Variants in RAI14 observed in about 807,000 individuals in gnomAD.
RAI14 encodes the protein retinoic acid induced 14.
Under a neutral mutation model 115.4 loss-of-function variants are expected in RAI14, and 45 were observed. The ratio of observed to expected loss-of-function variants is 0.39; its 90% confidence interval spans 0.31 to 0.50. RAI14 has a LOEUF of 0.50. Among genes scored for constraint, RAI14 ranks in the 20% least tolerant of loss-of-function variants. The pLI is 0.85. For missense variants in RAI14, 939 were observed against 1,131.2 expected (o/e 0.83, Z 2.44); for synonymous variants, 371 against 415.4 (o/e 0.89, Z 1.30).
chr5:34,699,895 A>T (rs6881866), intron 2 of RAI14, among the ~76,000 whole-genome samples: 24,718 of 152,162 alleles, frequency 0.16, 2,485 homozygotes, highest in Non-Finnish European at 0.22. Flanking sequence ...GATAGTAATC[A>T]TGGGTAATCT....
At chr5:34,737,417 A>G (rs1213201833) in intron 2 of RAI14, among the ~76,000 whole-genome samples, 1 of 152,110 alleles carries the variant, frequency 6.6e-6, no homozygotes, top group East Asian at 1.9e-4. Flanking sequence ...GAGTTATTGG[A>G]ATTACTACCT....
At chr5:34,662,836 C>A (rs1291582920) in intron 1 of RAI14, among the ~76,000 whole-genome samples, 1 of 142,336 alleles carries the variant, frequency 7.0e-6, no homozygotes, top group East Asian at 2.3e-4. Flanking sequence ...TCAATCAATT[C>A]TCCTGCCTCA....
intron 6 of RAI14, 145 bp from the exon 7 acceptor site, chr5:34,808,439 C>T (rs1755178300): frequency 1.3e-6 from 1 of 751,762 alleles, no homozygotes; most frequent in Non-Finnish European, 2.2e-6. Flanking sequence ...TCCTAACCTT[C>T]CTAATACCAT....
At chr5:34,826,286 T>C (rs1256274252) in intron 15 of RAI14, 44 bp from the exon 16 acceptor site, 1 of 1,570,360 alleles carries the variant, frequency 6.4e-7, no homozygotes, top group East Asian at 2.3e-5. Flanking sequence ...TTTTGCTTTG[T>C]AGACATGTTA....
At chr5:34,688,288 G>T in intron 2 of RAI14, 2 of 1,504,508 alleles carry the variant, frequency 1.3e-6, no homozygotes, top group South Asian at 1.2e-5. Context: ...AGCAGATAGG[G>T]GTTTCTAAAT....
rs1406473769 is a variant in RAI14 at position 34,827,142 on chromosome 5, T to C, written c.2799+663T>C. Among the ~76,000 whole-genome samples the C allele has an allele frequency of 6.6e-6, 1 of 152,150 alleles. No individual in the cohort carries two copies. The highest frequency in any genetic ancestry group is 1.9e-4 in the East Asian group (1 of 5,190). On this transcript the variant is annotated intron_variant, in intron 16 of 17. Transcript: ENST00000265109. This position sits in a 1 kb window ranked among gnomAD's most constrained non-coding sequence, Gnocchi z 4.2. Reference sequence around the variant, plus strand: ...GAGGCTGCCTGCATTCTGTGGCTCATGGCCCCTTACTCCATCTTCGAGGCA... The same window carrying C: ...GAGGCTGCCTGCATTCTGTGGCTCACGGCCCCTTACTCCATCTTCGAGGCA...
rs1299510170 is a variant in RAI14 at position 34,688,317 on chromosome 5, A to G, written c.36+1362A>G. On this transcript the variant is annotated intron_variant, in intron 2 of 17. Coordinates refer to ENST00000265109, the MANE Select transcript of RAI14 (RefSeq NM_015577.3). ...TCTAAATTTTGTGACCAGGTTAACA[A>G]ATGTCTTTTTCTATTCCAAGGGAAT... 17 of 1,415,804 alleles carry G rather than the reference A, an allele frequency of 1.2e-5. No individual in the cohort carries two copies. The East Asian group carries it at 3.5e-4, about 29-fold the overall frequency. 87.7% of individuals were successfully genotyped at this position (1,415,804 alleles called of 1,614,324 possible).
intron 3 of RAI14, among the ~76,000 whole-genome samples, chr5:34,780,166 C>T (rs1426955793): frequency 1.3e-5 from 2 of 152,148 alleles, no homozygotes; most frequent in East Asian, 1.9e-4. Context: ...AACTGGCTAG[C>T]CATATGTAGA....
chr5:34,721,338 T>C (rs1742729963), intron 2 of RAI14, among the ~76,000 whole-genome samples: 4 of 148,632 alleles, frequency 2.7e-5, no homozygotes, highest in Admixed American at 2.0e-4. Flanking sequence ...TGTGTATGTA[T>C]GTATATTGTA....
intron 1 of RAI14, among the ~76,000 whole-genome samples, chr5:34,660,155 G>A (rs1432903827): frequency 2.0e-5 from 3 of 151,990 alleles, no homozygotes; most frequent in Non-Finnish European, 2.9e-5. Context: ...CAGCCTGGGC[G>A]ACAGAGTGAG....
At chr5:34,753,064 G>C (rs558560735) in intron 2 of RAI14, among the ~76,000 whole-genome samples, 1 of 152,116 alleles carries the variant, frequency 6.6e-6, no homozygotes, top group East Asian at 1.9e-4. Context: ...GAGGTTAACC[G>C]ATAAACTATA....
intron 3 of RAI14, among the ~76,000 whole-genome samples, chr5:34,792,293 G>A (rs1044763837): frequency 6.9e-6 from 1 of 143,890 alleles, no homozygotes; most frequent in Non-Finnish European, 1.5e-5. Flanking sequence ...GAGTGCAGTG[G>A]TGCAATCTTG....
At chr5:34,697,510 C>T (rs896950251) in intron 2 of RAI14, among the ~76,000 whole-genome samples, 3 of 151,302 alleles carry the variant, frequency 2.0e-5, no homozygotes, top group Admixed American at 2.0e-4. Flanking sequence ...CATTAGGTAA[C>T]CAGTCAGGCT....
chr5:34,694,868 A>G (rs908510925), intron 2 of RAI14, among the ~76,000 whole-genome samples: 3 of 152,126 alleles, frequency 2.0e-5, no homozygotes, highest in African/African-American at 7.2e-5. Context: ...ATGAGATTCA[A>G]TGTGAACTCA....
Position 34,686,854 on chromosome 5 carries a change from CT to C in RAI14, c.-48-11del. The C allele has an allele frequency of 3.3e-6, 5 of 1,522,238 alleles. No individual in the cohort carries two copies. The highest frequency in any genetic ancestry group is 4.5e-6 in the Non-Finnish European group (5 of 1,100,090). 94.3% of individuals were successfully genotyped at this position (1,522,238 alleles called of 1,614,324 possible). A position where few individuals can be genotyped will look rare whatever the true frequency, so the allele number is the denominator to read the frequency against. On this transcript the variant is annotated splice_polypyrimidine_tract_variant and intron_variant, in intron 1 of 17. Transcript: ENST00000265109. The stretch of plus-strand genomic sequence containing the variant: ...CCTTATTTGGAAACCTACATATGTC[CT>C]TTTTTTCTCTGCTTAGGTGTTGAAA...
At chr5:34,805,349 C>T (rs1340141683) in intron 5 of RAI14, among the ~76,000 whole-genome samples, 1 of 152,144 alleles carries the variant, frequency 6.6e-6, no homozygotes, top group Non-Finnish European at 1.5e-5. Flanking sequence ...CCCAGGCTCT[C>T]TGTGCTGTGA....
chr5:34,803,744 A>G lies in RAI14; in HGVS notation c.289A>G (p.Ser97Gly). 1 of 1,612,518 alleles carries G rather than the reference A, an allele frequency of 6.2e-7. No homozygotes were observed. ...CGCCTTACATCTCGCAGCCAAGAAC[A>G]GCCACCATGAATGCATCAGGAAGCT... is the stretch of plus-strand genomic sequence containing the variant. ...HSALHLAAKN[S>G]HHECIRKLLQ... Residue 97 changes from serine to glycine, a missense_variant, in exon 5 of 18, where the codon AGC becomes GGC. Physicochemically the swap from Ser to Gly is moderately conservative, Grantham distance 56. Transcript: ENST00000265109.
At chr5:34,789,391 C>T (rs1356931530) in intron 3 of RAI14, among the ~76,000 whole-genome samples, 1 of 152,220 alleles carries the variant, frequency 6.6e-6, no homozygotes, top group Non-Finnish European at 1.5e-5. Context: ...GGTTCACATT[C>T]CGAGGCTAAA....
At chr5:34,702,563 T>A (rs1236473282) in intron 2 of RAI14, among the ~76,000 whole-genome samples, 1 of 152,208 alleles carries the variant, frequency 6.6e-6, no homozygotes, top group Non-Finnish European at 1.5e-5. Context: ...TATCCCAGGC[T>A]CTGTTACCTT....
Sources: gnomAD v4.1 joint callset for allele counts (sites outside exome capture counted in the v4.1 genomes callset) on GRCh38, gnomAD v4.1.1 for gene constraint, Gnocchi (gnomAD v3.1) non-coding constraint, MANE v1.5 for transcripts, NCBI Gene and HGNC (gene_info 2026-07-23, HGNC 2026-07-21) for gene names.